KCNT2: variants seen among roughly 807,000 people sequenced by gnomAD.
The protein encoded by KCNT2 is potassium channel subfamily T member 2.
A neutral mutation model predicts 153.8 loss-of-function variants in KCNT2; 67 were observed. The ratio of observed to expected loss-of-function variants is 0.44; its 90% CI spans 0.36 to 0.53. The LOEUF (loss-of-function observed/expected upper bound fraction) is 0.53, where lower values mean the gene tolerates loss of function less well. Ranked by LOEUF, KCNT2 falls within the 20% of genes least tolerant of loss-of-function variation. KCNT2 has a pLI of 0.00. For synonymous variants in KCNT2, 500 were observed against 458.8 expected (o/e 1.09, Z -1.15); for missense variants, 975 against 1,354.8 (o/e 0.72, Z 4.40).
At chr1:196,355,164 G>A (rs11803170) in intron 14 of KCNT2, among the ~76,000 whole-genome samples, 51 of 151,342 alleles carry the variant, frequency 3.4e-4, no homozygotes, top group South Asian at 2.1e-4. Context: ...CTGACTGTAC[G>A]GATGCAGAAT....
chr1:196,581,346 T>C (rs184993287), intron 1 of KCNT2, among the ~76,000 whole-genome samples: 26 of 152,248 alleles, frequency 1.7e-4, no homozygotes, highest in Admixed American at 1.6e-3. Flanking sequence ...CCTATAAATA[T>C]CTAGATCTGG....
chr1:196,410,160 T>C (rs1295694322), intron 12 of KCNT2, among the ~76,000 whole-genome samples: 4 of 151,796 alleles, frequency 2.6e-5, no homozygotes, highest in African/African-American at 9.7e-5. Context: ...CTTTCGTGTG[T>C]GTGTGTGTTT....
chr1:196,492,618 G>T (rs1444811147), intron 1 of KCNT2, among the ~76,000 whole-genome samples: 1 of 152,040 alleles, frequency 6.6e-6, no homozygotes, highest in African/African-American at 2.4e-5. Flanking sequence ...TCAATTATTT[G>T]TATTAATGAA....
At chr1:196,318,002 T>A (rs1363647040) in intron 20 of KCNT2, among the ~76,000 whole-genome samples, 3 of 151,748 alleles carry the variant, frequency 2.0e-5, no homozygotes, top group Non-Finnish European at 2.9e-5. Flanking sequence ...ATTTATTTTT[T>A]TTTTTTAAGT....
At chr1:196,450,937 T>C (rs555810638) in intron 8 of KCNT2, among the ~76,000 whole-genome samples, 1 of 151,998 alleles carries the variant, frequency 6.6e-6, no homozygotes, top group East Asian at 2.0e-4. Context: ...ATTTCCCTAT[T>C]CAAATTCTAC....
At chr1:196,440,976 G>A (rs975523391) in intron 8 of KCNT2, among the ~76,000 whole-genome samples, 2 of 151,740 alleles carry the variant, frequency 1.3e-5, no homozygotes, top group African/African-American at 4.8e-5. Flanking sequence ...CAAAGCACTA[G>A]ATAAGCACAG....
rs777205530 is a variant in KCNT2 at position 196,542,380 on chromosome 1, G to A, written c.96-50039C>T. Reference sequence around the variant, plus strand: ...CTGCATCTATGGACACAAAACGTCAGAGTGTATTAATTTGAAGTAAAAGCT... The same window carrying A: ...CTGCATCTATGGACACAAAACGTCAAAGTGTATTAATTTGAAGTAAAAGCT... On this transcript the variant is annotated intron_variant, in intron 1 of 27. Coordinates refer to ENST00000294725, the MANE Select transcript of KCNT2 (RefSeq NM_198503.5). Among the ~76,000 whole-genome samples the A allele has an allele frequency of 5.8e-4, 89 of 152,146 alleles. 2 individuals are homozygous for A. Among genetic ancestry groups the A allele is most frequent in the Admixed American group, 2.6e-4 (4 of 15,266 alleles).
intron 8 of KCNT2, among the ~76,000 whole-genome samples, chr1:196,432,326 C>CCTGG (rs1674235681): frequency 6.6e-6 from 1 of 152,136 alleles, no homozygotes; most frequent in Non-Finnish European, 1.5e-5. Context: ...GAGTCCCCAA[C>CCTGG]TAGAGCAATG....
At chr1:196,333,484 T>C (rs1182772904) in intron 17 of KCNT2, among the ~76,000 whole-genome samples, 1 of 152,084 alleles carries the variant, frequency 6.6e-6, no homozygotes, top group Non-Finnish European at 1.5e-5. Context: ...AATATGGATG[T>C]GCAATAAAGT....
chr1:196,594,105 C>T lies in KCNT2; in HGVS notation c.95+14110G>A, dbSNP rs147209840. Among the ~76,000 whole-genome samples the T allele has an allele frequency of 7.6e-3, 1,149 of 152,070 alleles. 10 individuals are homozygous for T. The highest frequency in any genetic ancestry group is 0.02 in the South Asian group (95 of 4,826). ...GATCATTTACAACACCTCCACATGT[C>T]CCTTGGACAATGGCACTGCTGGCTG... On this transcript the variant is annotated intron_variant, in intron 1 of 27. Coordinates refer to ENST00000294725, the MANE Select transcript of KCNT2 (RefSeq NM_198503.5).
intron 13 of KCNT2, 139 bp downstream of exon 13, chr1:196,398,424 T>C (rs910768407): frequency 1.8e-6 from 1 of 551,520 alleles, no homozygotes; most frequent in South Asian, 2.7e-5. Context: ...TCGTATCAAG[T>C]AAATTAGTTT....
chr1:196,295,684 A>G (rs933208892), intron 22 of KCNT2, among the ~76,000 whole-genome samples: 1 of 152,014 alleles, frequency 6.6e-6, no homozygotes, highest in Admixed American at 6.6e-5. Flanking sequence ...GTAAGGCAAA[A>G]AAATTTAAAA....
intron 1 of KCNT2, among the ~76,000 whole-genome samples, chr1:196,587,080 G>A (rs1217283252): frequency 7.2e-5 from 11 of 151,998 alleles, no homozygotes; most frequent in Non-Finnish European, 1.0e-4. Context: ...TCGAATCATG[G>A]AAAAAATTTG....
chr1:196,471,162 C>CGGGAT (rs1678075874), intron 5 of KCNT2, among the ~76,000 whole-genome samples: 1 of 152,030 alleles, frequency 6.6e-6, no homozygotes, highest in Non-Finnish European at 1.5e-5. Flanking sequence ...CCGCCTCGGC[C>CGGGAT]TCCCAAAGTG....
At chr1:196,429,797 C>G (rs752067393) in intron 8 of KCNT2, 40 bp from the exon 9 acceptor site, 1 of 1,385,392 alleles carries the variant, frequency 7.2e-7, no homozygotes, top group Non-Finnish European at 9.9e-7. Context: ...ATCTTTCAAA[C>G]TGGACACATA....
chr1:196,553,058 T>C (rs893016098), intron 1 of KCNT2, among the ~76,000 whole-genome samples: 28 of 150,660 alleles, frequency 1.9e-4, no homozygotes, highest in Admixed American at 1.7e-3. Context: ...CAGGAATAAC[T>C]CCCTACTTAT....
chr1:196,411,446 T>TAAAAAAAAAAAAAAAAAAA lies in KCNT2; in HGVS notation c.1185+11585_1185+11603dup, dbSNP rs35196093. 2.1e-5 allele frequency among the ~76,000 whole-genome samples: 2 copies of TAAAAAAAAAAAAAAAAAAA among 96,324 alleles called. 1 individual carries two copies. Among genetic ancestry groups the TAAAAAAAAAAAAAAAAAAA allele is most frequent in the African/African-American group, 7.4e-5 (2 of 26,950 alleles). The allele number at this position is 96,324 out of a possible 152,430, so 63.2% of individuals were successfully genotyped here. On this transcript the variant is annotated intron_variant, in intron 12 of 27. Transcript: ENST00000294725. ...CAGGATTGTTTTTAACTATTCCAGT[T>TAAAAAAAAAAAAAAAAAAA]AAAAAAAAAAAAAAAAAAAAAAACG... is the stretch of plus-strand genomic sequence containing the variant.
chr1:196,561,671 A>AAAAAAAAAAAAAAAAAAAAT, intron 1 of KCNT2, among the ~76,000 whole-genome samples: 1 of 30,400 alleles, frequency 3.3e-5, no homozygotes, highest in Non-Finnish European at 1.3e-3. Flanking sequence ...AAAAAAAAAA[A>AAAAAAAAAAAAAAAAAAAAT]AAAAAAGAAG....
chr1:196,510,744 G>A (rs886068931), intron 1 of KCNT2, among the ~76,000 whole-genome samples: 9 of 152,168 alleles, frequency 5.9e-5, no homozygotes, highest in African/African-American at 2.2e-4. Context: ...GCTGCCAGCT[G>A]CTTCAATGTC....
Sources: gnomAD v4.1 joint callset for allele counts (sites outside exome capture counted in the v4.1 genomes callset) on GRCh38, gnomAD v4.1.1 for gene constraint, MANE v1.5 for transcripts, NCBI Gene and HGNC (gene_info 2026-07-23, HGNC 2026-07-21) for gene names.